The following FASN variants were observed in gnomAD, a reference collection of about 807,000 sequenced individuals.
FASN encodes the protein fatty acid synthase.
FASN carries 50 observed loss-of-function variants against 250.0 expected under a neutral mutation model. That is an observed-to-expected ratio of 0.20 (90% CI 0.16 to 0.25). FASN has a LOEUF of 0.25. Among genes scored for constraint, FASN ranks in the 10% least tolerant of loss-of-function variants. The pLI, the probability that FASN is intolerant of heterozygous loss-of-function variation, is 1.00. For missense variants in FASN, 3,031 were observed against 3,498.5 expected (o/e 0.87, Z 3.37); for synonymous variants, 1,909 against 1,584.0 (o/e 1.21, Z -4.87).
In FASN at chr17:82,087,140, T is replaced by C. The variant is rs201182683; in HGVS notation, c.3337A>G (p.Ile1113Val). ...GGAGTGAAGCAAAACTTCTCCAGGA[T>C]GGGCACCTGCTGCTCCTGCTGCCGC... ...PRRQQEQQVP[I>V]LEKFCFTPHT... The change falls in exon 21 of 43, where the codon ATC becomes GTC. Residue 1113 changes from isoleucine to valine, a missense_variant. By Grantham distance (29) the Ile-to-Val change is conservative. Coordinates refer to ENST00000306749, the MANE Select transcript of FASN (RefSeq NM_004104.5). The C allele has an allele frequency of 2.3e-4, 374 of 1,611,900 alleles. 4 individuals carry two copies. In the East Asian group the frequency reaches 7.2e-3, roughly 31 times the overall value.
Position 82,083,761 on chromosome 17 carries a change from G to A in FASN, c.5218+11C>T, listed in dbSNP as rs764171461. The A allele has an allele frequency of 1.2e-6, 2 of 1,611,466 alleles. No homozygotes were observed. The highest frequency in any genetic ancestry group is 1.7e-6 in the Non-Finnish European group (2 of 1,179,710). ...GGCAGGAGGCAGGTGGGGGCTGTGG[G>A]GGCCACTCACCCTTCCCGCCCGTGT... On this transcript the variant is annotated intron_variant, in intron 30 of 42. Coordinates refer to ENST00000306749, the MANE Select transcript of FASN (RefSeq NM_004104.5).
chr17:82,091,110 T>C (rs1391616217), intron 9 of FASN, 41 bp from the exon 10 acceptor site: 1 of 1,605,870 alleles, frequency 6.2e-7, no homozygotes, highest in Non-Finnish European at 8.5e-7. Context: ...CCCCATCCCG[T>C]GCCACTGTGT....
Position 82,084,921 on chromosome 17 carries a change from G to C in FASN, c.4442C>G (p.Ser1481Cys). 1 of 1,553,584 alleles carries C rather than the reference G, an allele frequency of 6.4e-7. No homozygotes were observed. Among genetic ancestry groups the C allele is most frequent in the Middle Eastern group, 1.7e-4 (1 of 5,992 alleles). ...GCCCGGGTCCACCTCCGGGACGTGG[G>C]AGGTGCTGCTGAGGTTGGAGAGCAG... is the stretch of plus-strand genomic sequence containing the variant. ...CVLLSNLSST[S>C]HVPEVDPGSA... The change falls in exon 26 of 43, where the codon TCC (serine) becomes TGC (cysteine). Residue 1481 changes from serine (S) to cysteine (C), a missense_variant. Transcript: ENST00000306749.
In FASN at chr17:82,079,445, G is replaced by A. The variant is rs754016337; in HGVS notation, c.7310C>T (p.Ala2437Val). ...LRAAEQYTPK[A>V]KYHGNVMLLR... ...TAGCATCACGTTGCCATGGTACTTG[G>A]CCTTGGGTGTGTACTGCTCAGCGGC... Residue 2437 changes from alanine to valine, a missense_variant, in exon 42 of 43, where the codon GCC (alanine) becomes GTC (valine). Coordinates refer to ENST00000306749, the MANE Select transcript of FASN (RefSeq NM_004104.5). 5.0e-6 allele frequency: 8 copies of A among 1,613,034 alleles called. No individual in the cohort carries two copies. The highest frequency in any genetic ancestry group is 1.7e-5 in the Admixed American group (1 of 60,026).
intron 11 of FASN, 83 bp from the exon 12 acceptor site, chr17:82,089,809 T>C: frequency 8.3e-7 from 1 of 1,205,694 alleles, no homozygotes; most frequent in Non-Finnish European, 1.2e-6. Flanking sequence ...TGCCTGCAGC[T>C]GGGGGCAGTA....
At chr17:82,094,306 GT>G (rs2034267601) in intron 3 of FASN, 1 of 199,260 alleles carries the variant, frequency 5.0e-6, no homozygotes, top group African/African-American at 2.4e-5. Context: ...TTGGGGTGGG[GT>G]CTGGCAGCAG....
intron 35 of FASN, 43 bp from the exon 36 acceptor site, chr17:82,082,203 G>A (rs1279270772): frequency 3.1e-6 from 5 of 1,600,992 alleles, no homozygotes; most frequent in South Asian, 1.1e-5. Flanking sequence ...GCATCCCCAG[G>A]AGCCCCCAAC....
At chr17:82,093,156 CTG>C (rs987694425) in intron 5 of FASN, 61 bp downstream of exon 5, 6 of 1,538,240 alleles carry the variant, frequency 3.9e-6, no homozygotes, top group Non-Finnish European at 5.3e-6. Context: ...AGCGTGGGGA[CTG>C]TGCGGGGGGC....
Position 82,085,397 on chromosome 17 carries a change from C to T in FASN, c.4128G>A (p.Ala1376=), listed in dbSNP as rs201599707. ...QYGQGILSQD[A]WESLFSRVSL... is the part of the protein sequence containing the mutation. ...ACACCCTGGAGAAGAGGCTCTCCCA[C>T]GCGTCCTGTGGGGGCGGTGGTCAGC... The change falls in exon 24 of 43, where the codon GCG becomes GCA. Residue 1376 remains alanine (A), a synonymous_variant. Transcript: ENST00000306749. 149 of 1,610,272 alleles carry T rather than the reference C, an allele frequency of 9.3e-5. 1 individual carries two copies. In the East Asian group the frequency reaches 1.7e-3, roughly 19 times the overall value.
chr17:82,087,609 G>A, intron 19 of FASN, 76 bp downstream of exon 19: 2 of 1,601,608 alleles, frequency 1.2e-6, no homozygotes, highest in South Asian at 1.1e-5. Flanking sequence ...ATGCCTAGCT[G>A]TGGGTGCCCT....
At position 82,079,700 on chromosome 17, in the gene FASN, C is replaced by T. The variant is rs543525795; in HGVS notation, c.7147-92G>A. On this transcript the variant is annotated intron_variant, in intron 41 of 42. Transcript: ENST00000306749. ...GCGGGTGGGCTTTTTTTTTTTGAGA[C>T]GAGTTTCATTTTTGTTACCCAGGCT... The T allele has an allele frequency of 2.5e-5, 37 of 1,477,372 alleles. No homozygotes were observed. In the African/African-American group the frequency reaches 3.1e-4, roughly 13 times the overall value. The allele number at this position is 1,477,372 out of a possible 1,614,324, so 91.5% of individuals were successfully genotyped here.
chr17:82,089,084 G>A lies in FASN; in HGVS notation c.2189C>T (p.Ser730Phe), dbSNP rs770233064. Residue 730 changes from serine (S) to phenylalanine (F), a missense_variant, in exon 14 of 43, where the codon TCC becomes TTC. Physicochemically the swap from Ser to Phe is radical, Grantham distance 155 (BLOSUM62 -2). Transcript: ENST00000306749. ...AQWHSSLART[S>F]SAEYNVNNLV... ...GTTGTTGACATTGTACTCGGCGGAG[G>A]ACGTGCGTGCCAGGCTGCTGTGCCA... 332 of 1,579,248 alleles carry A rather than the reference G, an allele frequency of 2.1e-4. No homozygotes were observed. Among genetic ancestry groups the A allele is most frequent in the Non-Finnish European group, 2.8e-4 (322 of 1,163,574 alleles).
chr17:82,090,857 C>T (rs1416294367), intron 10 of FASN, 25 bp downstream of exon 10: 3 of 1,562,422 alleles, frequency 1.9e-6, no homozygotes, highest in Non-Finnish European at 2.6e-6. Context: ...TGGCGTTGCT[C>T]ACACGCTGGC....
intron 6 of FASN, 21 bp from the exon 7 acceptor site, chr17:82,092,833 T>C: frequency 6.3e-7 from 1 of 1,585,962 alleles, no homozygotes; most frequent in Non-Finnish European, 8.6e-7. Context: ...CTCGGCTCAG[T>C]GCTGCAGCCC....
rs1414620001 is a variant in FASN, at chr17:82,095,357, C to T, written c.243G>A (p.Leu81=). The T allele has an allele frequency of 6.2e-7, 1 of 1,612,974 alleles. No homozygotes were observed. The highest frequency in any genetic ancestry group is 8.5e-7 in the Non-Finnish European group (1 of 1,180,030). The change falls in exon 3 of 43, where the codon CTG becomes CTA. Residue 81 remains leucine (L), a synonymous_variant. Transcript: ENST00000306749. ...TGGCTTCATAGGTGACTTCCAGCAG[C>T]AGCCGCAGCTGAGGGTCCATCGTGT... The part of the protein sequence containing the change: ...QAHTMDPQLR[L]LLEVTYEAIV...
intron 14 of FASN, 33 bp from the exon 15 acceptor site, chr17:82,088,909 T>G (rs770144939): frequency 4.3e-6 from 7 of 1,610,352 alleles, no homozygotes; most frequent in Non-Finnish European, 5.1e-6. Flanking sequence ...GCTCTCTTGG[T>G]GCTCAGCTGA....
At chr17:82,095,564 T>C in intron 2 of FASN, 92 bp from the exon 3 acceptor site, 10 of 1,477,412 alleles carry the variant, frequency 6.8e-6, no homozygotes, top group Non-Finnish European at 9.3e-6. Context: ...GGGGCCATGG[T>C]GGAACTGAGG....
intron 19 of FASN, 67 bp downstream of exon 19, chr17:82,087,618 C>T: frequency 1.2e-6 from 2 of 1,601,972 alleles, no homozygotes; most frequent in South Asian, 2.2e-5. Flanking sequence ...TGTGGGTGCC[C>T]TCTGTGGTCC....
At position 82,086,363 on chromosome 17, in the gene FASN, T is replaced by C. The variant is rs761471160; in HGVS notation, c.3623A>G (p.Lys1208Arg). Reference protein sequence around the residue: ...LAQVLAQERPKLPEDPLLSGL... With the variant: ...LAQVLAQERPRLPEDPLLSGL... Reference sequence around the variant, plus strand: ...GCTGAGCAGAGGGTCCTCTGGCAGCTTGGGCCTCTCCTGGGCCAGCACCTG... The same window carrying C: ...GCTGAGCAGAGGGTCCTCTGGCAGCCTGGGCCTCTCCTGGGCCAGCACCTG... The change falls in exon 22 of 43, where the codon AAG (lysine) becomes AGG (arginine). Residue 1208 changes from lysine (K) to arginine (R), a missense_variant. By Grantham distance (26) the Lys-to-Arg change is conservative (BLOSUM62 2). Coordinates refer to ENST00000306749, the MANE Select transcript of FASN (RefSeq NM_004104.5). 9 of 1,608,948 alleles carry C rather than the reference T, an allele frequency of 5.6e-6. No individual in the cohort carries two copies. In the Admixed American group the frequency reaches 1.2e-4, roughly 21 times the overall value.
Sources: gnomAD v4.1 joint callset for allele counts on GRCh38, gnomAD v4.1.1 for gene constraint, MANE v1.5 for transcripts, NCBI Gene and HGNC (gene_info 2026-07-23, HGNC 2026-07-21) for gene names.